The following MASTL variants were observed in gnomAD, a reference collection of about 807,000 sequenced individuals.
The protein encoded by MASTL is microtubule associated serine/threonine kinase like.
In MASTL, 54 loss-of-function variants were observed where a neutral mutation model predicts 82.5. That is an observed-to-expected ratio of 0.65 (90% confidence interval 0.53 to 0.82). The LOEUF (loss-of-function observed/expected upper bound fraction) is 0.82, where lower values mean the gene tolerates loss of function less well. MASTL is among the 40% of genes least tolerant of loss of function. The pLI is 0.00. For missense variants in MASTL, 950 were observed against 1,047.8 expected, an observed-to-expected ratio of 0.91 and a Z score of 1.29; for synonymous variants, 323 against 368.9, an observed-to-expected ratio of 0.88 and a Z score of 1.43.
chr10:27,156,192 G>C (rs997130690), intron 1 of MASTL, among the ~76,000 whole-genome samples: 6 of 129,708 alleles, frequency 4.6e-5, no homozygotes, highest in African/African-American at 2.1e-4. Flanking sequence ...TTTTAGTAGA[G>C]ACGGGGTTTC....
At chr10:27,180,813 T>G (rs1459781661) in intron 9 of MASTL, 140 bp from the exon 10 acceptor site, 1 of 701,722 alleles carries the variant, frequency 1.4e-6, no homozygotes, top group Non-Finnish European at 2.6e-6. Context: ...TTGCAGCTTA[T>G]CTGCTTTTTC....
chr10:27,172,206 G>A (rs1048476309), intron 8 of MASTL, among the ~76,000 whole-genome samples: 5 of 151,992 alleles, frequency 3.3e-5, no homozygotes, highest in Admixed American at 6.6e-5. Context: ...CTTCCTTTGG[G>A]AAAACATCAT....
chr10:27,154,535 G>C (rs577201909), upstream of MASTL: 1 of 458,832 alleles, frequency 2.2e-6, no homozygotes, highest in African/African-American at 2.0e-5. Context: ...GTTTTTTAAG[G>C]GGAGAACAGC....
Position 27,181,600 on chromosome 10 carries a change from A to G in MASTL, c.2482+19A>G, listed in dbSNP as rs994261481. ...ATGAAAGGTATGGTTTTGTGTTAATACATTGTTTTACCATTGATTTTTTGC... is the reference window on the plus strand; with the variant it reads ...ATGAAAGGTATGGTTTTGTGTTAATGCATTGTTTTACCATTGATTTTTTGC... On this transcript the variant is annotated intron_variant, in intron 11 of 11. Transcript: ENST00000375940. 8 of 1,535,552 alleles carry G rather than the reference A, an allele frequency of 5.2e-6. No individual in the cohort carries two copies. The highest frequency in any genetic ancestry group is 7.2e-6 in the Non-Finnish European group (8 of 1,110,552).
Position 27,155,380 on chromosome 10 carries a change from G to T in MASTL, c.-47G>T, listed in dbSNP as rs1564475979. ...TTGAACCCAGTTGGCGGGAGTGGCTGCTCGCGGAGGGGCAGTGTCTGCGGG... is the reference window on the plus strand; with the variant it reads ...TTGAACCCAGTTGGCGGGAGTGGCTTCTCGCGGAGGGGCAGTGTCTGCGGG... On this transcript the variant is annotated 5_prime_UTR_variant, in exon 1 of 12. Coordinates refer to ENST00000375940, the MANE Select transcript of MASTL (RefSeq NM_001172303.3). 2.6e-6 allele frequency: 4 copies of T among 1,542,560 alleles called. No homozygotes were observed. Among genetic ancestry groups the T allele is most frequent in the African/African-American group, 1.4e-5 (1 of 73,052 alleles).
chr10:27,165,552 GA>G lies in MASTL; in HGVS notation c.811+17del. The G allele has an allele frequency of 6.2e-7, 1 of 1,613,712 alleles. No homozygotes were observed. Among genetic ancestry groups the G allele is most frequent in the Non-Finnish European group, 8.5e-7 (1 of 1,179,824 alleles). ...TTACTAAAATCATGTGAGTATAAAAGAAAAGGTAGGCCAGGCGCAGAGGCTT... is the reference window on the plus strand; with the variant it reads ...TTACTAAAATCATGTGAGTATAAAAGAAAGGTAGGCCAGGCGCAGAGGCTT... On this transcript the variant is annotated intron_variant, in intron 6 of 11. Coordinates refer to ENST00000375940, the MANE Select transcript of MASTL (RefSeq NM_001172303.3).
At chr10:27,171,178 T>C (rs1231792235) in intron 8 of MASTL, 95 bp downstream of exon 8, 2 of 1,069,334 alleles carry the variant, frequency 1.9e-6, no homozygotes, top group Non-Finnish European at 2.9e-6. Context: ...GTATTAATCA[T>C]ATAGTTCTGT....
chr10:27,155,836 A>G (rs1220809469), intron 1 of MASTL, among the ~76,000 whole-genome samples: 1 of 152,134 alleles, frequency 6.6e-6, no homozygotes, highest in Non-Finnish European at 1.5e-5. Context: ...TCAGATGCCC[A>G]GTGAGAACAG....
chr10:27,156,772 G>A (rs556053982), intron 1 of MASTL, among the ~76,000 whole-genome samples: 26 of 151,576 alleles, frequency 1.7e-4, no homozygotes, highest in Admixed American at 1.5e-3. Flanking sequence ...CGCCCACATC[G>A]GCCTCCCAGA....
chr10:27,185,797 A>AG (rs906658004), intron 11 of MASTL, among the ~76,000 whole-genome samples: 2 of 150,254 alleles, frequency 1.3e-5, no homozygotes, highest in African/African-American at 4.9e-5. Flanking sequence ...AAAAAAAAAA[A>AG]AAGATGTGAG....
intron 9 of MASTL, among the ~76,000 whole-genome samples, chr10:27,179,674 C>T (rs2058211624): frequency 6.6e-6 from 1 of 152,172 alleles, no homozygotes; most frequent in Non-Finnish European, 1.5e-5. Flanking sequence ...CCTCTTGAAA[C>T]CATAGTTTAA....
intron 3 of MASTL, 21 bp from the exon 4 acceptor site, chr10:27,161,073 A>G: frequency 6.5e-7 from 1 of 1,528,874 alleles, no homozygotes; most frequent in Non-Finnish European, 9.1e-7. Flanking sequence ...GTTATCTAAT[A>G]TTTGCCTTTT....
At position 27,159,625 on chromosome 10, in the gene MASTL, G is replaced by A. The variant is rs750545098; in HGVS notation, c.331G>A (p.Glu111Lys). The A allele has an allele frequency of 1.3e-6, 2 of 1,518,210 alleles. No homozygotes were observed. The highest frequency in any genetic ancestry group is 1.8e-6 in the Non-Finnish European group (2 of 1,093,540). The allele number at this position is 1,518,210 out of a possible 1,614,324, so 94.0% of individuals were successfully genotyped here. Residue 111 changes from glutamate to lysine, a missense_variant, in exon 3 of 12, where the codon GAA becomes AAA. Physicochemically the swap from Glu to Lys is moderately conservative, Grantham distance 56 (BLOSUM62 1). Coordinates refer to ENST00000375940, the MANE Select transcript of MASTL (RefSeq NM_001172303.3). This position sits in a 1 kb window ranked among gnomAD's most constrained non-coding sequence, Gnocchi z 4.0. ...QSANNVYLVM[E>K]YLIGGDVKSL... The stretch of plus-strand genomic sequence containing the variant: ...TTAAATTCTTTTTTGAAAGGTAATG[G>A]AATATCTTATTGGGGGAGATGTCAA...
chr10:27,175,808 C>T (rs1343715042), intron 9 of MASTL, among the ~76,000 whole-genome samples: 7 of 151,980 alleles, frequency 4.6e-5, no homozygotes, highest in African/African-American at 1.4e-4. Context: ...CAAAACTGGA[C>T]TTGTGGGGCC....
chr10:27,161,181 A>G lies in MASTL; in HGVS notation c.552A>G (p.Arg184=), dbSNP rs372782506. Reference sequence around the variant, plus strand: ...GCCTTTCAAAAGTTACTTTGAATAGAGGTAAGAAAAATATCAAGTAAGTAC... The same window carrying G: ...GCCTTTCAAAAGTTACTTTGAATAGGGGTAAGAAAAATATCAAGTAAGTAC... ...DFGLSKVTLN[R]DINMMDILTT... The change falls in exon 4 of 12, where the codon AGA becomes AGG. Residue 184 remains arginine (R), a splice_region_variant and synonymous_variant. Transcript: ENST00000375940. 3.3e-6 allele frequency: 5 copies of G among 1,537,504 alleles called. No individual in the cohort carries two copies. The African/African-American group carries it at 6.8e-5, about 21-fold the overall frequency.
intron 8 of MASTL, among the ~76,000 whole-genome samples, chr10:27,171,675 C>T (rs1039809436): frequency 4.0e-5 from 6 of 151,768 alleles, no homozygotes; most frequent in South Asian, 4.2e-4. Flanking sequence ...TCAAGCAATC[C>T]GCCCACCTCG....
intron 7 of MASTL, 92 bp from the exon 8 acceptor site, chr10:27,169,852 G>A: frequency 1.6e-6 from 2 of 1,248,084 alleles, no homozygotes; most frequent in Non-Finnish European, 2.3e-6. Flanking sequence ...AATAGTTTAT[G>A]GGGTCATTTA....
At chr10:27,161,212 T>TC (rs1173276973) in intron 4 of MASTL, 30 bp downstream of exon 4, 2 of 1,331,360 alleles carry the variant, frequency 1.5e-6, no homozygotes, top group African/African-American at 2.9e-5. Flanking sequence ...AGTACTTTTT[T>TC]AAAACATCCA....
Position 27,170,980 on chromosome 10 carries a change from A to C in MASTL, c.2021A>C (p.Asn674Thr). ...AATAACTCAGAACCATCCAGAATGA[A>C]CATGACTTCTTTAGATGCAATGGAT... ...ASNNSEPSRM[N>T]MTSLDAMDIS... Residue 674 changes from asparagine (N) to threonine (T), a missense_variant, in exon 8 of 12, where the codon AAC becomes ACC. Physicochemically the swap from Asn to Thr is moderately conservative, Grantham distance 65. Coordinates refer to ENST00000375940, the MANE Select transcript of MASTL (RefSeq NM_001172303.3). 8 of 1,614,110 alleles carry C rather than the reference A, an allele frequency of 5.0e-6. No individual in the cohort carries two copies. The highest frequency in any genetic ancestry group is 6.8e-6 in the Non-Finnish European group (8 of 1,179,962).
Sources: gnomAD v4.1 joint callset for allele counts (sites outside exome capture counted in the v4.1 genomes callset) on GRCh38, gnomAD v4.1.1 for gene constraint, Gnocchi (gnomAD v3.1) non-coding constraint, MANE v1.5 for transcripts, NCBI Gene and HGNC (gene_info 2026-07-23, HGNC 2026-07-21) for gene names.